ZNF608: variants seen among roughly 807,000 people sequenced by gnomAD.
ZNF608 encodes renal carcinoma antigen NY-REN-36.
ZNF608 carries 12 observed loss-of-function variants against 109.0 expected under a neutral mutation model. That is an observed-to-expected ratio of 0.11 (90% confidence interval 0.07 to 0.18). The LOEUF (loss-of-function observed/expected upper bound fraction) is 0.18. Among genes scored for constraint, ZNF608 ranks in the 10% least tolerant of loss-of-function variants. The pLI is 1.00. For synonymous variants in ZNF608, 732 were observed against 717.4 expected (o/e 1.02, Z -0.33); for missense variants, 1,707 against 1,879.3 (o/e 0.91, Z 1.70).
intron 3 of ZNF608, among the ~76,000 whole-genome samples, chr5:124,693,184 A>G (rs1752687423): frequency 6.6e-6 from 1 of 152,220 alleles, no homozygotes; most frequent in Admixed American, 6.5e-5. Context: ...AGCTGCTGTG[A>G]GAACTTATTT....
chr5:124,734,032 C>T (rs2149895462), intron 2 of ZNF608, among the ~76,000 whole-genome samples: 1 of 152,204 alleles, frequency 6.6e-6, no homozygotes, highest in Non-Finnish European at 1.5e-5. Context: ...AAAAAAAACT[C>T]ATGCATCCAT....
intron 3 of ZNF608, among the ~76,000 whole-genome samples, chr5:124,657,033 A>G (rs968374237): frequency 2.0e-5 from 3 of 152,078 alleles, no homozygotes; most frequent in Non-Finnish European, 2.9e-5. Flanking sequence ...ACTGCCATCT[A>G]TTTCTTTCCC....
chr5:124,726,407 T>C (rs1176994492), intron 2 of ZNF608, among the ~76,000 whole-genome samples: 1 of 152,194 alleles, frequency 6.6e-6, no homozygotes, highest in African/African-American at 2.4e-5. Context: ...GTCACAACTC[T>C]TGATTCCATC....
At chr5:124,659,317 T>C (rs1751150345) in intron 3 of ZNF608, among the ~76,000 whole-genome samples, 1 of 152,016 alleles carries the variant, frequency 6.6e-6, no homozygotes, top group African/African-American at 2.4e-5. Flanking sequence ...ACGAGTACTC[T>C]AGGACTAAAA....
intron 3 of ZNF608, among the ~76,000 whole-genome samples, chr5:124,667,562 T>C (rs759811344): frequency 3.9e-5 from 6 of 152,212 alleles, no homozygotes; most frequent in Non-Finnish European, 8.8e-5. Flanking sequence ...TTCCAAATTA[T>C]AGACAGCATG....
At chr5:124,646,628 A>G in intron 5 of ZNF608, 51 bp downstream of exon 5, 1 of 1,559,768 alleles carries the variant, frequency 6.4e-7, no homozygotes, top group Non-Finnish European at 8.7e-7. Flanking sequence ...CATGTATAAT[A>G]CAAGTCTCAG....
chr5:124,655,450 C>T (rs1291938137), intron 3 of ZNF608, among the ~76,000 whole-genome samples: 1 of 152,170 alleles, frequency 6.6e-6, no homozygotes, highest in African/African-American at 2.4e-5. Flanking sequence ...TCTCAGACTA[C>T]CACATCTGGA....
intron 3 of ZNF608, among the ~76,000 whole-genome samples, chr5:124,669,360 T>C (rs556579597): frequency 1.3e-5 from 2 of 152,294 alleles, no homozygotes; most frequent in African/African-American, 4.8e-5. Context: ...ATGCACACTG[T>C]CTGTGCTTTC....
intron 2 of ZNF608, chr5:124,734,738 T>C (rs1314237697): frequency 1.3e-5 from 2 of 152,326 alleles, no homozygotes; most frequent in East Asian, 1.9e-4. Context: ...CTTTTGAATA[T>C]TGAATGAAAG....
Position 124,744,466 on chromosome 5 carries a change from G to A in ZNF608, c.524C>T (p.Ser175Phe), listed in dbSNP as rs1489286858. 8 of 1,614,256 alleles carry A rather than the reference G, an allele frequency of 5.0e-6. No homozygotes were observed. The highest frequency in any genetic ancestry group is 6.8e-6 in the Non-Finnish European group (8 of 1,180,046). ...GGAGCCTGCCCCCGCGGTGGCGGCA[G>A]AGGTGCTGGTGCTGGTACTATTGCT... ...PNSNSTSTST[S>F]AATAGAGSCG... The change falls in exon 2 of 10, where the codon TCT becomes TTT. Residue 175 changes from serine to phenylalanine, a missense_variant. Physicochemically the swap from Ser to Phe is radical, Grantham distance 155. Around this residue, in one of 7 missense-constraint regions of ZNF608, gnomAD observed 407 missense variants for 398.7 expected, o/e 1.02. Coordinates refer to ENST00000513986, the MANE Select transcript of ZNF608 (RefSeq NM_020747.3). The surrounding 1 kb of genome is among the most constrained non-coding windows in gnomAD (Gnocchi z 4.5).
Position 124,701,018 on chromosome 5 carries a change from T to G in ZNF608, c.1158A>C (p.Glu386Asp). The change falls in exon 3 of 10, where the codon GAA becomes GAC. Residue 386 changes from glutamate to aspartate, a missense_variant. By Grantham distance (45) the Glu-to-Asp change is conservative (BLOSUM62 2). Around this residue, in one of 7 missense-constraint regions of ZNF608, gnomAD observed 16 missense variants for 37.0 expected, o/e 0.43. Transcript: ENST00000513986. ...NLEGIVWHET[E>D]EGVLVVNVTW... Reference sequence around the variant, plus strand: ...ATAAAAATAAATTGTATTTACCTTCTTCTGTTTCATGCCACACGATCCCTT... The same window carrying G: ...ATAAAAATAAATTGTATTTACCTTCGTCTGTTTCATGCCACACGATCCCTT... The G allele has an allele frequency of 6.2e-7, 1 of 1,614,094 alleles. No homozygotes were observed. Among genetic ancestry groups the G allele is most frequent in the Non-Finnish European group, 8.5e-7 (1 of 1,179,940 alleles).
chr5:124,639,260 A>G, intron 8 of ZNF608, 46 bp from the exon 9 acceptor site: 1 of 1,577,838 alleles, frequency 6.3e-7, no homozygotes, highest in Non-Finnish European at 8.7e-7. Context: ...TAGAAGGATA[A>G]GAGTAGATAC....
intron 3 of ZNF608, among the ~76,000 whole-genome samples, chr5:124,679,418 T>TCCG (rs1561554776): frequency 9.0e-5 from 13 of 143,950 alleles, no homozygotes; most frequent in African/African-American, 3.2e-4. Flanking sequence ...CTTCCTTCTT[T>TCCG]TCCTCCCTCC....
chr5:124,741,858 T>G (rs1749423742), intron 2 of ZNF608, among the ~76,000 whole-genome samples: 1 of 152,118 alleles, frequency 6.6e-6, no homozygotes, highest in Admixed American at 6.5e-5. Context: ...GAATAATGTT[T>G]GAGATCCTGA....
At chr5:124,726,543 A>G (rs1330575193) in intron 2 of ZNF608, among the ~76,000 whole-genome samples, 1 of 152,080 alleles carries the variant, frequency 6.6e-6, no homozygotes, top group East Asian at 1.9e-4. Context: ...CATGCCTACC[A>G]AAGAAGCCTA....
In ZNF608 at chr5:124,648,613, T is replaced by G; in HGVS notation, c.1771A>C (p.Ser591Arg). 3 of 1,614,248 alleles carry G rather than the reference T, an allele frequency of 1.9e-6. No individual in the cohort carries two copies. In the African/African-American group the frequency reaches 4.0e-5, roughly 22 times the overall value. The change falls in exon 5 of 10, where the codon AGT becomes CGT. Residue 591 changes from serine to arginine, a missense_variant. By Grantham distance (110) the Ser-to-Arg change is moderately radical (BLOSUM62 -1). This residue lies in a region of ZNF608 where 22 missense variants were observed against 52.2 expected (regional missense o/e 0.42). Transcript: ENST00000513986. Reference protein sequence around the residue: ...PENKLEFEPDSEDKISDCEEG... With the variant: ...PENKLEFEPDREDKISDCEEG... ...TCACAGTCCGAGATCTTGTCCTCACTGTCAGGCTCGAACTCCAGCTTGTTT... is the reference window on the plus strand; with the variant it reads ...TCACAGTCCGAGATCTTGTCCTCACGGTCAGGCTCGAACTCCAGCTTGTTT...
intron 3 of ZNF608, among the ~76,000 whole-genome samples, chr5:124,675,649 C>A (rs1390930187): frequency 1.3e-5 from 2 of 152,190 alleles, no homozygotes; most frequent in African/African-American, 4.8e-5. Context: ...TTGTCCCTGT[C>A]AGGATTCATT....
intron 3 of ZNF608, among the ~76,000 whole-genome samples, chr5:124,655,422 A>C (rs1291184312): frequency 6.6e-6 from 1 of 152,206 alleles, no homozygotes; most frequent in Non-Finnish European, 1.5e-5. Context: ...GGAATCAGAC[A>C]GAAGTTTTTT....
In ZNF608 at chr5:124,745,294, A is replaced by G. The variant is rs866969825; in HGVS notation, c.-183-122T>C. 75 of 843,928 alleles carry G rather than the reference A, an allele frequency of 8.9e-5. No individual in the cohort carries two copies. The Middle Eastern group carries it at 3.6e-3, about 41-fold the overall frequency. 52.3% of individuals were successfully genotyped at this position (843,928 alleles called of 1,614,324 possible). On this transcript the variant is annotated intron_variant, in intron 1 of 9. Transcript: ENST00000513986. ...GGATGGAGAGTAAGGTGGCTCATGT[A>G]TTGTCCTCACAGTCCAATATCAGGT...
Sources: allele counts gnomAD v4.1 joint callset (sites outside exome capture counted in the v4.1 genomes callset), GRCh38; gene constraint gnomAD v4.1.1; regional missense constraint gnomAD v4.1.1; non-coding constraint Gnocchi (gnomAD v3.1); transcripts MANE v1.5; gene names NCBI Gene and HGNC (gene_info 2026-07-23, HGNC 2026-07-21).